Variants in CEP131 observed in about 807,000 individuals in gnomAD.
CEP131 encodes centrosomal protein of 131 kDa.
A neutral mutation model predicts 136.8 loss-of-function variants in CEP131; 99 were observed. The observed-to-expected ratio is 0.72, with a 90% confidence interval of 0.62 to 0.86. The LOEUF (loss-of-function observed/expected upper bound fraction) is 0.86. CEP131 is among the 40% of genes least tolerant of loss of function. CEP131 has a pLI of 0.00. For synonymous variants in CEP131, 646 were observed against 612.7 expected, an observed-to-expected ratio of 1.05 and a Z score of -0.80; for missense variants, 1,459 against 1,463.0, an observed-to-expected ratio of 1.00 and a Z score of 0.04.
In CEP131 at chr17:81,191,297, T is replaced by C; in HGVS notation, c.2661A>G (p.Glu887=). Residue 887 remains glutamate (E), a synonymous_variant, in exon 22 of 26, where the codon GAA becomes GAG. Coordinates refer to ENST00000450824, the MANE Select transcript of CEP131 (RefSeq NM_014984.4). ...WLLNREQELR[E]EIRKGRDKEI... is the part of the protein sequence containing the mutation. ...CCTTGTCCCGGCCTTTCCGGATTTC[T>C]TCCCTCAGCTCCTGTTCCCGGTTCA... is the stretch of plus-strand genomic sequence containing the variant. The C allele has an allele frequency of 3.7e-6, 6 of 1,613,372 alleles. No individual in the cohort carries two copies. The highest frequency in any genetic ancestry group is 4.2e-6 in the Non-Finnish European group (5 of 1,179,940).
At position 81,215,262 on chromosome 17, in the gene CEP131, T is replaced by C. The variant is rs1382947913; in HGVS notation, c.177+4618A>G. Among the ~76,000 whole-genome samples the C allele has an allele frequency of 1.3e-5, 2 of 151,752 alleles. No homozygotes were observed. Among genetic ancestry groups the C allele is most frequent in the Admixed American group, 6.6e-5 (1 of 15,242 alleles). ...GGCATGCACCACCACACTCGGCTAATTTTTTAATTTTTTTGTAGAGACAGG... is the reference window on the plus strand; with the variant it reads ...GGCATGCACCACCACACTCGGCTAACTTTTTAATTTTTTTGTAGAGACAGG... On this transcript the variant is annotated intron_variant, in intron 2 of 25. Coordinates refer to ENST00000450824, the MANE Select transcript of CEP131 (RefSeq NM_014984.4). The surrounding 1 kb of genome is among the most constrained non-coding windows in gnomAD (Gnocchi z 4.1).
Position 81,189,776 on chromosome 17 carries a change from G to C in CEP131, c.3236C>G (p.Thr1079Ser). 1.2e-6 allele frequency: 2 copies of C among 1,604,648 alleles called. No homozygotes were observed. The highest frequency in any genetic ancestry group is 1.1e-5 in the South Asian group (1 of 90,332). ...LEQHRRPTPS[T>S]K ...TGTTCCCGGCATCCCTGGTCACTTG[G>C]TACTTGGCGTGGGCCTCCTGTGCTG... is the stretch of plus-strand genomic sequence containing the variant. The change falls in exon 26 of 26, where the codon ACC becomes AGC. Residue 1079 changes from threonine (T) to serine (S), a missense_variant. Thr to Ser is a moderately conservative substitution (Grantham distance 58). Coordinates refer to ENST00000450824, the MANE Select transcript of CEP131 (RefSeq NM_014984.4).
At chr17:81,196,672 C>T (rs373781755) in intron 15 of CEP131, 29 bp downstream of exon 15, 32 of 1,591,684 alleles carry the variant, frequency 2.0e-5, no homozygotes, top group South Asian at 9.0e-5. Flanking sequence ...GCGCTGGGTC[C>T]GGGCCTCTGC....
intron 2 of CEP131, among the ~76,000 whole-genome samples, chr17:81,211,231 G>C (rs2062126061): frequency 6.6e-6 from 1 of 152,236 alleles, no homozygotes; most frequent in African/African-American, 2.4e-5. Context: ...TCCCTGCTGG[G>C]CTGTGCTCCC....
chr17:81,190,530 C>A, intron 24 of CEP131, 109 bp downstream of exon 24: 1 of 1,345,194 alleles, frequency 7.4e-7, no homozygotes, highest in Non-Finnish European at 9.8e-7. Context: ...CCTGTCTCTG[C>A]ATCTCCTGGC....
Position 81,189,690 on chromosome 17 carries a change from G to C in CEP131, c.*79C>G, listed in dbSNP as rs958137283. 1 of 1,430,752 alleles carries C rather than the reference G, an allele frequency of 7.0e-7. No homozygotes were observed. Among genetic ancestry groups the C allele is most frequent in the Admixed American group, 2.3e-5 (1 of 42,964 alleles). 88.6% of individuals were successfully genotyped at this position (1,430,752 alleles called of 1,614,324 possible). A position where few individuals can be genotyped will look rare whatever the true frequency, so the allele number is the denominator to read the frequency against. On this transcript the variant is annotated 3_prime_UTR_variant, in exon 26 of 26. Coordinates refer to ENST00000450824, the MANE Select transcript of CEP131 (RefSeq NM_014984.4). The stretch of plus-strand genomic sequence containing the variant: ...CAGCCTCTGTGGGGGGCAGGTGGGC[G>C]TCCCTGTGGGCCTCTGGGCCCACGT...
chr17:81,219,276 C>G lies in CEP131; in HGVS notation c.177+604G>C, dbSNP rs2062329538. ...ACCAGGAGCTCATCACCCCTCCCCA[C>G]AGGTCAACCCCATTTCTTTCTTTTT... On this transcript the variant is annotated intron_variant, in intron 2 of 25. Transcript: ENST00000450824. The surrounding 1 kb of genome is among the most constrained non-coding windows in gnomAD (Gnocchi z 4.0). Among the ~76,000 whole-genome samples the G allele has an allele frequency of 6.7e-6, 1 of 149,122 alleles. No homozygotes were observed. The highest frequency in any genetic ancestry group is 2.5e-5 in the African/African-American group (1 of 40,556).
intron 5 of CEP131, chr17:81,204,104 A>T (rs2061953161): frequency 6.4e-6 from 1 of 155,126 alleles, no homozygotes; most frequent in South Asian, 2.0e-4. Context: ...AAGGGCCAGC[A>T]GAGAGCAACT....
At chr17:81,210,567 A>AAAAAAC (rs200900501) in intron 2 of CEP131, among the ~76,000 whole-genome samples, 2,346 of 151,960 alleles carry the variant, frequency 0.015, 25 homozygotes, top group Middle Eastern at 0.024. Context: ...AGACTCCGTC[A>AAAAAAC]AAAAACAAAA....
chr17:81,204,474 A>G (rs2061961130), intron 5 of CEP131, among the ~76,000 whole-genome samples: 1 of 152,094 alleles, frequency 6.6e-6, no homozygotes, highest in Non-Finnish European at 1.5e-5. Context: ...AGGTGGGGAT[A>G]CTCAACAATG....
At chr17:81,205,394 AGCGGG>A (rs1189806466) in intron 5 of CEP131, among the ~76,000 whole-genome samples, 3 of 102,434 alleles carry the variant, frequency 2.9e-5, no homozygotes, top group Admixed American at 9.5e-5. Flanking sequence ...TAGGAGGGGC[AGCGGG>A]GCAGTGGGTG....
At chr17:81,200,163 C>G (rs1460766157) in intron 8 of CEP131, 166 bp downstream of exon 8, 5 of 644,214 alleles carry the variant, frequency 7.8e-6, no homozygotes, top group South Asian at 5.9e-5. Flanking sequence ...TGAGGACCAC[C>G]CTGACTGTCC....
In CEP131 at chr17:81,193,538, G is replaced by T. The variant is rs554538223; in HGVS notation, c.2321+388C>A. 3.5e-4 allele frequency among the ~76,000 whole-genome samples: 53 copies of T among 152,334 alleles called. No individual in the cohort carries two copies. The South Asian group carries it at 0.01, about 29-fold the overall frequency. ...ACCCCTCAGACCCCAGGCCAAGGGA[G>T]TGAATGAGAGAGACCGTCCCTGGGC... On this transcript the variant is annotated intron_variant, in intron 18 of 25. Coordinates refer to ENST00000450824, the MANE Select transcript of CEP131 (RefSeq NM_014984.4).
intron 16 of CEP131, among the ~76,000 whole-genome samples, 160 bp from the exon 17 acceptor site, chr17:81,195,132 C>T (rs533940502): frequency 3.8e-4 from 55 of 145,560 alleles, no homozygotes; most frequent in African/African-American, 1.4e-3. Context: ...GCTGCCCTCC[C>T]CAGCGCCCGG....
chr17:81,221,605 C>A (rs2062390197), intron 1 of CEP131, among the ~76,000 whole-genome samples: 2 of 152,216 alleles, frequency 1.3e-5, no homozygotes, highest in South Asian at 4.1e-4. Flanking sequence ...CCGGCCAGTC[C>A]CCTGCCTCTA....
rs931798048 is a variant in CEP131, at chr17:81,208,180, C to A, written c.272+748G>T. ...GGCAGTCCCTTGCTTGGTGGGACTC[C>A]ACGAAGCTAGTTGCTGAGCTAAGAG... is the stretch of plus-strand genomic sequence containing the variant. On this transcript the variant is annotated intron_variant, in intron 3 of 25. Coordinates refer to ENST00000450824, the MANE Select transcript of CEP131 (RefSeq NM_014984.4). This position sits in a 1 kb window ranked among gnomAD's most constrained non-coding sequence, Gnocchi z 5.6. Among the ~76,000 whole-genome samples, 6 of 152,134 alleles carry A rather than the reference C, an allele frequency of 3.9e-5. No individual in the cohort carries two copies. Among genetic ancestry groups the A allele is most frequent in the Admixed American group, 3.9e-4 (6 of 15,268 alleles).
rs143028785 is a variant in CEP131 at position 81,208,943 on chromosome 17, C to A, written c.257G>T (p.Arg86Leu). ...TAGGGGTTACCTGGGGGAGCCGCTC[C>A]GAGGCTGGCTGACCTGCGTGGTGCT... Reference protein sequence around the residue: ...SNSTTQVSQPRSGSPRPTEPT... With the variant: ...SNSTTQVSQPLSGSPRPTEPT... Residue 86 changes from arginine (R) to leucine (L), a missense_variant, in exon 3 of 26, where the codon CGG becomes CTG. This residue lies in a region of CEP131 where 187 missense variants were observed against 179.9 expected (regional missense o/e 1.04). Coordinates refer to ENST00000450824, the MANE Select transcript of CEP131 (RefSeq NM_014984.4). The surrounding 1 kb of genome is among the most constrained non-coding windows in gnomAD (Gnocchi z 5.6). 4 of 1,613,600 alleles carry A rather than the reference C, an allele frequency of 2.5e-6. No individual in the cohort carries two copies. The highest frequency in any genetic ancestry group is 3.4e-6 in the Non-Finnish European group (4 of 1,179,914).
At chr17:81,200,547 C>A (rs561370399) in intron 7 of CEP131, 101 bp from the exon 8 acceptor site, 2 of 866,586 alleles carry the variant, frequency 2.3e-6, no homozygotes, top group Non-Finnish European at 3.6e-6. Context: ...GAGAAGCCGG[C>A]GGCTGCACTC....
intron 5 of CEP131, among the ~76,000 whole-genome samples, chr17:81,204,680 TCCTGCACCAGCCTGCA>T (rs1260963422): frequency 1.3e-5 from 2 of 151,710 alleles, no homozygotes; most frequent in East Asian, 3.9e-4. Context: ...CGAAACCTGC[TCCTGCACCAGCCTGCA>T]CCTGCACCGG....
Sources: allele counts gnomAD v4.1 joint callset (sites outside exome capture counted in the v4.1 genomes callset), GRCh38; gene constraint gnomAD v4.1.1; regional missense constraint gnomAD v4.1.1; non-coding constraint Gnocchi (gnomAD v3.1); transcripts MANE v1.5; gene names NCBI Gene and HGNC (gene_info 2026-07-23, HGNC 2026-07-21).